The following ADCY9 variants were observed in gnomAD, a reference collection of about 807,000 sequenced individuals.
ADCY9 encodes adenylate cyclase 9, also known as adenylate cyclase type 9.
ADCY9 carries 50 observed loss-of-function variants against 101.5 expected under a neutral mutation model. The ratio of observed to expected loss-of-function variants is 0.49; its 90% CI spans 0.39 to 0.62. The LOEUF (loss-of-function observed/expected upper bound fraction) is 0.62. Ranked by LOEUF, ADCY9 falls within the 20% of genes least tolerant of loss-of-function variation. The pLI is 0.00. For synonymous variants in ADCY9, 905 were observed against 769.3 expected (o/e 1.18, Z -2.92); for missense variants, 1,662 against 1,800.4 (o/e 0.92, Z 1.39).
chr16:3,979,159 G>A lies in ADCY9; in HGVS notation c.2636C>T (p.Ala879Val), dbSNP rs1290685591. ...GAILVSLPALAVYSHVTSEYE... is the reference protein window; with the variant it reads ...GAILVSLPALVVYSHVTSEYE... ...TTCGGAGGTGACATGGGAGTAGACG[G>A]CCAGTGCGGGAAGCGACACCAGGAT... Residue 879 changes from alanine to valine, a missense_variant, in exon 8 of 11, where the codon GCC (alanine) becomes GTC (valine). This residue lies in a region of ADCY9 where 624 missense variants were observed against 639.1 expected (regional missense o/e 0.98). Coordinates refer to ENST00000294016, the MANE Select transcript of ADCY9 (RefSeq NM_001116.4). The A allele has an allele frequency of 4.3e-6, 7 of 1,614,192 alleles. No individual in the cohort carries two copies. The highest frequency in any genetic ancestry group is 2.2e-5 in the South Asian group (2 of 91,092).
intron 6 of ADCY9, among the ~76,000 whole-genome samples, chr16:3,984,784 CG>C (rs897233373): frequency 4.6e-5 from 7 of 152,220 alleles, no homozygotes; most frequent in African/African-American, 1.7e-4. Context: ...CTCAGCATCC[CG>C]GCCAGGCTCG....
chr16:4,007,232 A>G (rs2056372428), intron 3 of ADCY9, 136 bp downstream of exon 3: 14 of 713,622 alleles, frequency 2.0e-5, no homozygotes, highest in Middle Eastern at 4.2e-4. Flanking sequence ...ACTAAATATT[A>G]AAATCGTGAA....
In ADCY9 at chr16:4,115,668, A is replaced by C; in HGVS notation, c.-44+22T>G. 1.8e-6 allele frequency: 1 copy of C among 551,074 alleles called. No homozygotes were observed. 34.1% of individuals were successfully genotyped at this position (551,074 alleles called of 1,614,324 possible). ...CCCACCGCCCCCACCTTCGAGGCGC[A>C]CGAGAACCGCTCGGGACGGACCTAG... On this transcript the variant is annotated intron_variant, in intron 1 of 10. Transcript: ENST00000294016. The surrounding 1 kb of genome is among the most constrained non-coding windows in gnomAD (Gnocchi z 6.2).
At chr16:3,960,749 C>T (rs532254960), downstream of ADCY9, among the ~76,000 whole-genome samples, 1 of 152,252 alleles carries the variant, frequency 6.6e-6, no homozygotes, top group Admixed American at 6.5e-5. Context: ...TCAGGGCCAG[C>T]AGGGATACGA....
intron 2 of ADCY9, among the ~76,000 whole-genome samples, chr16:4,077,385 C>T (rs891680223): frequency 1.3e-5 from 2 of 152,156 alleles, no homozygotes; most frequent in Admixed American, 6.6e-5. Flanking sequence ...CCTTCCCCAA[C>T]GTCCTTTAGG....
At position 4,063,504 on chromosome 16, in the gene ADCY9, T is replaced by C. The variant is rs79609699; in HGVS notation, c.1693+50246A>G. ...TGGGACGATCGCTCAAGCCCAGGAG[T>C]TGAAGAAGAGCCTTGGTAATATAGT... is the stretch of plus-strand genomic sequence containing the variant. On this transcript the variant is annotated intron_variant, in intron 2 of 10. Transcript: ENST00000294016. 9.7e-3 allele frequency among the ~76,000 whole-genome samples: 1,463 copies of C among 150,238 alleles called. 23 individuals are homozygous for C. The highest frequency in any genetic ancestry group is 0.033 in the African/African-American group (1,352 of 40,980).
rs550836522 is a variant in ADCY9 at position 4,110,700 on chromosome 16, C to T, written c.1693+3050G>A. ...CCACTGCGCCCAGCCTTACCTTATACCTACTTTTAATTTCCTGTAGAGTAA... is the reference window on the plus strand; with the variant it reads ...CCACTGCGCCCAGCCTTACCTTATATCTACTTTTAATTTCCTGTAGAGTAA... On this transcript the variant is annotated intron_variant, in intron 2 of 10. Transcript: ENST00000294016. 9.9e-5 allele frequency among the ~76,000 whole-genome samples: 15 copies of T among 152,212 alleles called. No individual in the cohort carries two copies. The East Asian group carries it at 2.9e-3, about 29-fold the overall frequency.
At chr16:4,075,005 G>C (rs1328866953) in intron 2 of ADCY9, among the ~76,000 whole-genome samples, 2 of 151,906 alleles carry the variant, frequency 1.3e-5, no homozygotes, top group Non-Finnish European at 1.5e-5. Context: ...GTGAGACCCC[G>C]TCTCCACAAA....
chr16:4,070,302 C>G (rs531687459), intron 2 of ADCY9, among the ~76,000 whole-genome samples: 16 of 152,130 alleles, frequency 1.1e-4, no homozygotes, highest in African/African-American at 3.1e-4. Flanking sequence ...AAACTTGCAG[C>G]TAGTAACTGG....
Position 4,061,712 on chromosome 16 carries a change from AAAGG to A in ADCY9, c.1693+52034_1693+52037del, listed in dbSNP as rs368649741. Reference sequence around the variant, plus strand: ...GCAGACCCTACTTACAAGAAATACTAAAGGAAGCCCTTCAAGATGAAAGAAAAAA... The same window carrying A: ...GCAGACCCTACTTACAAGAAATACTAAAGCCCTTCAAGATGAAAGAAAAAA... On this transcript the variant is annotated intron_variant, in intron 2 of 10. Coordinates refer to ENST00000294016, the MANE Select transcript of ADCY9 (RefSeq NM_001116.4). Among the ~76,000 whole-genome samples the A allele has an allele frequency of 2.4e-3, 369 of 152,342 alleles. 3 individuals carry two copies. Among genetic ancestry groups the A allele is most frequent in the African/African-American group, 8.6e-3 (357 of 41,578 alleles).
chr16:3,993,216 G>T, intron 4 of ADCY9, 190 bp downstream of exon 4: 3 of 972,426 alleles, frequency 3.1e-6, no homozygotes, highest in South Asian at 1.8e-5. Context: ...TGGTTTCCAC[G>T]TGGGTTGCTG....
chr16:4,091,966 G>C (rs2056976390), intron 2 of ADCY9, among the ~76,000 whole-genome samples: 1 of 152,150 alleles, frequency 6.6e-6, no homozygotes, highest in South Asian at 2.1e-4. Context: ...TGTGAATTTA[G>C]CTTCAATTAA....
intron 2 of ADCY9, among the ~76,000 whole-genome samples, chr16:4,082,917 A>G (rs982877429): frequency 1.3e-5 from 2 of 152,208 alleles, no homozygotes; most frequent in Non-Finnish European, 2.9e-5. Flanking sequence ...CTTAGTTTCC[A>G]TGCCAGTAAA....
In ADCY9 at chr16:3,977,532, G is replaced by C. The variant is rs746866743; in HGVS notation, c.2778C>G (p.Val926=). The change falls in exon 9 of 11, where the codon GTC becomes GTG. Residue 926 remains valine (V), a synonymous_variant. Transcript: ENST00000294016. ...SSWMRSSLAT[V]VGAGPLLLLY... ...GCAGGAGCAGCGGCCCGGCCCCCAC[G>C]ACGGTGGCGAGGGAGGACCTCATCC... is the stretch of plus-strand genomic sequence containing the variant. The C allele has an allele frequency of 6.3e-7, 1 of 1,598,266 alleles. No homozygotes were observed. The highest frequency in any genetic ancestry group is 1.7e-5 in the Admixed American group (1 of 57,572).
chr16:3,977,484 G>T lies in ADCY9; in HGVS notation c.2826C>A (p.Asp942Glu). 1 of 1,562,480 alleles carries T rather than the reference G, an allele frequency of 6.4e-7. No homozygotes were observed. Among genetic ancestry groups the T allele is most frequent in the East Asian group, 2.4e-5 (1 of 41,920 alleles). ...CGCAAGCAGTGCTGGCCGCGTACCT[G>T]TCTGGGCACAGGGAGACGTAGAGCA... is the stretch of plus-strand genomic sequence containing the variant. ...LLLLYVSLCP[D>E]SSVLTSPLDA... is the part of the protein sequence containing the mutation. Residue 942 changes from aspartate (D) to glutamate (E), a missense_variant and splice_region_variant, in exon 9 of 11, where the codon GAC (aspartate) becomes GAA (glutamate). Physicochemically the swap from Asp to Glu is conservative, Grantham distance 45. This residue lies in a region of ADCY9 where 624 missense variants were observed against 639.1 expected (regional missense o/e 0.98). Coordinates refer to ENST00000294016, the MANE Select transcript of ADCY9 (RefSeq NM_001116.4).
chr16:4,114,108 G>C lies in ADCY9; in HGVS notation c.1335C>G (p.Tyr445Ter), dbSNP rs1410909710. 1.2e-6 allele frequency: 2 copies of C among 1,613,764 alleles called. No individual in the cohort carries two copies. The highest frequency in any genetic ancestry group is 1.7e-5 in the Admixed American group (1 of 60,008). Residue 445 changes from tyrosine (Y) to a stop codon, truncating the protein, a stop_gained, in exon 2 of 11, where the codon TAC becomes TAG. Coordinates refer to ENST00000294016, the MANE Select transcript of ADCY9 (RefSeq NM_001116.4). LOFTEE classifies it high-confidence loss of function. The surrounding 1 kb of genome is among the most constrained non-coding windows in gnomAD (Gnocchi z 4.3). ...GCTCGGGACAGCCCGCCACGCAGTAGTAACAGTCTCCCAGGGTGCTGATTT... is the reference window on the plus strand; with the variant it reads ...GCTCGGGACAGCCCGCCACGCAGTACTAACAGTCTCCCAGGGTGCTGATTT... Reference protein sequence around the residue: ...CEKISTLGDCYYCVAGCPEPR... With the variant: ...CEKISTLGDC
chr16:3,965,509 G>A lies in ADCY9; in HGVS notation c.*266C>T, dbSNP rs1476340819. On this transcript the variant is annotated 3_prime_UTR_variant, in exon 11 of 11. Coordinates refer to ENST00000294016, the MANE Select transcript of ADCY9 (RefSeq NM_001116.4). ...CCTCTGTCCCGAGACTCGAGGCCGA[G>A]GCCAGCCCTGAAGGCACTTGTTCTC... 9.9e-6 allele frequency: 5 copies of A among 505,812 alleles called. No individual in the cohort carries two copies. The highest frequency in any genetic ancestry group is 3.6e-5 in the Admixed American group (1 of 27,526). The allele number at this position is 505,812 out of a possible 1,614,324, so 31.3% of individuals were successfully genotyped here. A position where few individuals can be genotyped will look rare whatever the true frequency, so the allele number is the denominator to read the frequency against.
chr16:4,046,291 G>C (rs1216756735), intron 2 of ADCY9, among the ~76,000 whole-genome samples: 1 of 152,144 alleles, frequency 6.6e-6, no homozygotes, highest in East Asian at 1.9e-4. Context: ...CCAGTGCCCA[G>C]CACTGAACCA....
intron 7 of ADCY9, among the ~76,000 whole-genome samples, chr16:3,980,109 A>G (rs2056128119): frequency 6.6e-6 from 1 of 152,242 alleles, no homozygotes; most frequent in South Asian, 2.1e-4. Flanking sequence ...GTTCACCTCT[A>G]GCTGGCGGCT....
Sources: gnomAD v4.1 joint callset for allele counts (sites outside exome capture counted in the v4.1 genomes callset) on GRCh38, gnomAD v4.1.1 for gene constraint, gnomAD v4.1.1 regional missense constraint, Gnocchi (gnomAD v3.1) non-coding constraint, MANE v1.5 for transcripts, NCBI Gene and HGNC (gene_info 2026-07-23, HGNC 2026-07-21) for gene names.